The following DHX34 variants were observed in gnomAD, a reference collection of about 807,000 sequenced individuals.
DHX34 encodes the protein DExH-box helicase 34.
DHX34 carries 96 observed loss-of-function variants against 111.1 expected under a neutral mutation model. The observed-to-expected ratio is 0.86, with a 90% CI of 0.73 to 1.02. The LOEUF is 1.02. Among genes scored for constraint, DHX34 ranks in the 50% least tolerant of loss-of-function variants. DHX34 has a pLI of 0.00. For synonymous variants in DHX34, 688 were observed against 670.4 expected, an observed-to-expected ratio of 1.03 and a Z score of -0.41; for missense variants, 1,560 against 1,579.9, an observed-to-expected ratio of 0.99 and a Z score of 0.21.
chr19:47,376,075 G>A lies in DHX34; in HGVS notation c.2459G>A (p.Ser820Asn). The A allele has an allele frequency of 6.4e-7, 1 of 1,569,558 alleles. No individual in the cohort carries two copies. Among genetic ancestry groups the A allele is most frequent in the Non-Finnish European group, 8.6e-7 (1 of 1,160,280 alleles). The change falls in exon 11 of 17, where the codon AGC (serine) becomes AAC (asparagine). Residue 820 changes from serine to asparagine, a missense_variant. Coordinates refer to ENST00000328771, the MANE Select transcript of DHX34 (RefSeq NM_014681.6). ...PQLAVPDAFNSSRKDSDQIFH... is the reference protein window; with the variant it reads ...PQLAVPDAFNNSRKDSDQIFH... ...CTGGCCGTCCCCGACGCCTTCAACA[G>A]CAGCCGAAAGGACTCAGACCAGGTG...
At chr19:47,354,144 G>A (rs529526915) in intron 2 of DHX34, among the ~76,000 whole-genome samples, 2 of 152,252 alleles carry the variant, frequency 1.3e-5, no homozygotes, top group South Asian at 2.1e-4. Context: ...TGTAATTTTA[G>A]TAGAGACGGG....
intron 6 of DHX34, 195 bp from the exon 7 acceptor site, chr19:47,366,786 A>G: frequency 2.2e-6 from 2 of 912,086 alleles, no homozygotes; most frequent in Non-Finnish European, 2.6e-6. Flanking sequence ...GTTGGCCAGG[A>G]TGGTCTTGAA....
At chr19:47,359,205 C>T (rs1161574441) in intron 4 of DHX34, among the ~76,000 whole-genome samples, 2 of 152,140 alleles carry the variant, frequency 1.3e-5, no homozygotes, top group Non-Finnish European at 2.9e-5. Flanking sequence ...TGGCTCATGC[C>T]TATAATCCCA....
rs559307538 is a variant in DHX34, at chr19:47,378,023, G to GC, written c.2706+818dup. On this transcript the variant is annotated intron_variant, in intron 13 of 16. Coordinates refer to ENST00000328771, the MANE Select transcript of DHX34 (RefSeq NM_014681.6). ...AGAGGGGACTGAAGCTCAGGCAGGGGCGGGGATACGTCACCTAAGTCACAC... is the reference window on the plus strand; with the variant it reads ...AGAGGGGACTGAAGCTCAGGCAGGGGCCGGGGATACGTCACCTAAGTCACAC... Among the ~76,000 whole-genome samples the GC allele has an allele frequency of 3.0e-3, 458 of 152,244 alleles. 1 individual carries two copies. Among genetic ancestry groups the GC allele is most frequent in the Non-Finnish European group, 4.7e-3 (322 of 67,984 alleles).
chr19:47,381,262 C>T lies in DHX34; in HGVS notation c.3236C>T (p.Thr1079Met), dbSNP rs538434908. 11 of 1,614,070 alleles carry T rather than the reference C, an allele frequency of 6.8e-6. No individual in the cohort carries two copies. The highest frequency in any genetic ancestry group is 4.5e-5 in the East Asian group (2 of 44,882). Reference protein sequence around the residue: ...CPHCGLHAPLTPLERIAHENT... With the variant: ...CPHCGLHAPLMPLERIAHENT... ...CACTGTGGCCTGCATGCGCCCCTCA[C>T]GCCCCTGGAGCGCATCGCCCATGAG... Residue 1079 changes from threonine (T) to methionine (M), a missense_variant, in exon 16 of 17, where the codon ACG becomes ATG. Coordinates refer to ENST00000328771, the MANE Select transcript of DHX34 (RefSeq NM_014681.6).
At chr19:47,380,131 ACAAGGT>A (rs1970308490) in intron 14 of DHX34, 146 bp downstream of exon 14, 1 of 1,362,982 alleles carries the variant, frequency 7.3e-7, no homozygotes, top group South Asian at 1.6e-5. Flanking sequence ...AGTCACTTAC[ACAAGGT>A]CACTCCACTG....
In DHX34 at chr19:47,379,724, T is replaced by C; in HGVS notation, c.2721T>C (p.Phe907=). The change falls in exon 14 of 17, where the codon TTT becomes TTC. Residue 907 remains phenylalanine, a synonymous_variant. Coordinates refer to ENST00000328771, the MANE Select transcript of DHX34 (RefSeq NM_014681.6). ...CTCTCTTTCAGTCCCTCCTGCTTTT[T>C]AGCCGGTCTTTGGACACCAATGGTG... ...RIPALQSLLL[F]SRSLDTNGDC... is the part of the protein sequence containing the mutation. The C allele has an allele frequency of 6.3e-7, 1 of 1,598,400 alleles. No individual in the cohort carries two copies. The highest frequency in any genetic ancestry group is 8.6e-7 in the Non-Finnish European group (1 of 1,167,122).
chr19:47,358,271 C>A, intron 4 of DHX34, 151 bp downstream of exon 4: 1 of 1,415,978 alleles, frequency 7.1e-7, no homozygotes, highest in Non-Finnish European at 9.2e-7. Context: ...AGGCTGCGAA[C>A]CCAGGTAGTC....
intron 16 of DHX34, 74 bp from the exon 17 acceptor site, chr19:47,381,906 G>C (rs1028130768): frequency 6.2e-7 from 1 of 1,600,490 alleles, no homozygotes; most frequent in African/African-American, 1.3e-5. Context: ...CCCCACAGGT[G>C]CCTGGCATTT....
At chr19:47,376,845 G>A in intron 12 of DHX34, 3 of 1,531,554 alleles carry the variant, frequency 2.0e-6, no homozygotes, top group East Asian at 2.4e-5. Context: ...GACTCTGTGA[G>A]CTCCCAGGTG....
In DHX34 at chr19:47,381,791, G is replaced by T. The variant is rs541743070; in HGVS notation, c.3299-189G>T. On this transcript the variant is annotated intron_variant, in intron 16 of 16. Transcript: ENST00000328771. Reference sequence around the variant, plus strand: ...TGTCTTTCTCTCTGTCTCTCTCACTGGCAGGGATGCGGAGTAAAGACAGAC... The same window carrying T: ...TGTCTTTCTCTCTGTCTCTCTCACTTGCAGGGATGCGGAGTAAAGACAGAC... 29 of 897,262 alleles carry T rather than the reference G, an allele frequency of 3.2e-5. No individual in the cohort carries two copies. The African/African-American group carries it at 5.0e-4, about 16-fold the overall frequency. The allele number at this position is 897,262 out of a possible 1,614,324, so 55.6% of individuals were successfully genotyped here. A position where few individuals can be genotyped will look rare whatever the true frequency, so the allele number is the denominator to read the frequency against.
chr19:47,377,937 G>A (rs530346380), intron 13 of DHX34, among the ~76,000 whole-genome samples: 67 of 152,266 alleles, frequency 4.4e-4, no homozygotes, highest in African/African-American at 6.0e-4. Flanking sequence ...CTCCTCGAGC[G>A]TCTTTGTGAT....
At chr19:47,354,525 A>G (rs1436861053) in intron 2 of DHX34, among the ~76,000 whole-genome samples, 2 of 152,228 alleles carry the variant, frequency 1.3e-5, no homozygotes, top group South Asian at 2.1e-4. Flanking sequence ...TAGGAGGAGA[A>G]CTATAAGGGA....
intron 15 of DHX34, 32 bp downstream of exon 15, chr19:47,381,024 G>T: frequency 6.5e-7 from 1 of 1,542,924 alleles, no homozygotes; most frequent in African/African-American, 1.4e-5. Context: ...CTGAAGGTGG[G>T]ATTTCAGGAA....
At chr19:47,357,067 A>G (rs552850341) in intron 3 of DHX34, among the ~76,000 whole-genome samples, 3 of 152,170 alleles carry the variant, frequency 2.0e-5, no homozygotes, top group East Asian at 1.9e-4. Context: ...AGCTCAAGCA[A>G]TCCTCCCGCC....
intron 7 of DHX34, among the ~76,000 whole-genome samples, chr19:47,371,551 C>T (rs1323418026): frequency 6.6e-6 from 1 of 152,190 alleles, no homozygotes; most frequent in African/African-American, 2.4e-5. Flanking sequence ...CACAGTACAG[C>T]CCCAAGCCCT....
At position 47,380,983 on chromosome 19, in the gene DHX34, CT is replaced by C; in HGVS notation, c.3151del (p.Cys1051AlafsTer106). 3 of 1,579,572 alleles carry C rather than the reference CT, an allele frequency of 1.9e-6. No homozygotes were observed. Among genetic ancestry groups the C allele is most frequent in the Non-Finnish European group, 2.6e-6 (3 of 1,164,486 alleles). ...YAVTDFLTYN[C>X]LTNDTDLYSD... ...CAGTCACTGACTTCCTCACCTACAA[CT>C]GCCTCACGGTAAGCATGAACCCTCC... On this transcript the variant is annotated frameshift_variant, in exon 15 of 17. Coordinates refer to ENST00000328771, the MANE Select transcript of DHX34 (RefSeq NM_014681.6). LOFTEE classifies it high-confidence loss of function.
chr19:47,366,899 G>GA, intron 6 of DHX34, 82 bp from the exon 7 acceptor site: 1 of 1,419,374 alleles, frequency 7.0e-7, no homozygotes, highest in Non-Finnish European at 9.3e-7. Context: ...AAAACGTCAT[G>GA]AATTTGTGAT....
chr19:47,379,127 CAAAT>C lies in DHX34; in HGVS notation c.2707-570_2707-567del, dbSNP rs945880122. 1.6e-3 allele frequency among the ~76,000 whole-genome samples: 242 copies of C among 151,126 alleles called. 1 individual carries two copies. Among genetic ancestry groups the C allele is most frequent in the African/African-American group, 5.2e-3 (213 of 41,110 alleles). On this transcript the variant is annotated intron_variant, in intron 13 of 16. Transcript: ENST00000328771. Reference sequence around the variant, plus strand: ...CTGGGCAACAGAGTGAGACTCATCTCAAATAAATAAATAAATTAATAATAATAAT... The same window carrying C: ...CTGGGCAACAGAGTGAGACTCATCTCAAATAAATAAATTAATAATAATAAT...
Sources: gnomAD v4.1 joint callset for allele counts (sites outside exome capture counted in the v4.1 genomes callset) on GRCh38, gnomAD v4.1.1 for gene constraint, MANE v1.5 for transcripts, NCBI Gene and HGNC (gene_info 2026-07-23, HGNC 2026-07-21) for gene names.